The following FOXP1 variants were observed in gnomAD, a reference collection of about 807,000 sequenced individuals.
FOXP1 encodes the protein forkhead box P1.
FOXP1 carries 15 observed loss-of-function variants against 98.2 expected under a neutral mutation model. The ratio of observed to expected loss-of-function variants is 0.15; its 90% CI spans 0.10 to 0.24. The LOEUF is 0.24. Among genes scored for constraint, FOXP1 ranks in the 10% least tolerant of loss-of-function variants. The pLI is 1.00. For synonymous variants in FOXP1, 371 were observed against 314.5 expected (o/e 1.18, Z -1.90); for missense variants, 633 against 848.5 (o/e 0.75, Z 3.15).
At chr3:71,507,280 A>T (rs1189326331) in intron 2 of FOXP1, among the ~76,000 whole-genome samples, 1 of 152,204 alleles carries the variant, frequency 6.6e-6, no homozygotes, top group Non-Finnish European at 1.5e-5. Flanking sequence ...GATATGCTTC[A>T]ACAAGACTTA....
rs1488058535 is a variant in FOXP1 at position 70,972,546 on chromosome 3, T to G, written c.1652+9A>C. 7 of 1,614,254 alleles carry G rather than the reference T, an allele frequency of 4.3e-6. No homozygotes were observed. The highest frequency in any genetic ancestry group is 5.9e-6 in the Non-Finnish European group (7 of 1,180,038). ...GCTAGGCTAAGAAGTTCAAACATGG[T>G]GGACGTACCCACTGATCTTTTGTGG... On this transcript the variant is annotated intron_variant, in intron 18 of 20. Transcript: ENST00000649528.
intron 6 of FOXP1, among the ~76,000 whole-genome samples, chr3:71,166,102 TAAG>T (rs2061385232): frequency 6.6e-6 from 1 of 152,192 alleles, no homozygotes; most frequent in African/African-American, 2.4e-5. Context: ...GAGAAACACT[TAAG>T]AAGACAGCCC....
intron 20 of FOXP1, among the ~76,000 whole-genome samples, chr3:70,960,324 G>A (rs1350880834): frequency 1.3e-5 from 2 of 152,158 alleles, no homozygotes; most frequent in Non-Finnish European, 2.9e-5. Flanking sequence ...TGTAAACAAG[G>A]CAAAACATGA....
intron 13 of FOXP1, among the ~76,000 whole-genome samples, chr3:70,991,260 G>A (rs181609811): frequency 6.6e-6 from 1 of 152,138 alleles, no homozygotes; most frequent in East Asian, 1.9e-4. Flanking sequence ...ATTTGTCTCA[G>A]GTTCTTACTG....
chr3:70,979,316 A>AAAAAAAAAAAAAAAAAAAAAAG (rs1553670621), intron 14 of FOXP1, among the ~76,000 whole-genome samples: 5 of 96,500 alleles, frequency 5.2e-5, no homozygotes, highest in Non-Finnish European at 1.0e-4. Context: ...AAAAAAAAAA[A>AAAAAAAAAAAAAAAAAAAAAAG]AAAAGAAAAA....
intron 20 of FOXP1, among the ~76,000 whole-genome samples, chr3:70,963,317 G>A (rs1026846432): frequency 6.6e-6 from 1 of 152,176 alleles, no homozygotes; most frequent in Non-Finnish European, 1.5e-5. Context: ...AGTGAAATCC[G>A]ATTTCGGGAC....
At chr3:71,438,789 T>C (rs772304114) in intron 3 of FOXP1, among the ~76,000 whole-genome samples, 1 of 151,440 alleles carries the variant, frequency 6.6e-6, no homozygotes, top group Non-Finnish European at 1.5e-5. Context: ...TTTCAACATA[T>C]TGCTTTTTTG....
intron 2 of FOXP1, among the ~76,000 whole-genome samples, chr3:71,539,278 ATTT>A (rs59674177): frequency 5.2e-5 from 6 of 114,948 alleles, no homozygotes; most frequent in African/African-American, 1.4e-4. Context: ...TGCCCAGCTA[ATTT>A]TTTTTTTTTT....
At chr3:71,145,333 T>TA (rs1289387710) in intron 6 of FOXP1, among the ~76,000 whole-genome samples, 1 of 151,958 alleles carries the variant, frequency 6.6e-6, no homozygotes, top group Non-Finnish European at 1.5e-5. Flanking sequence ...GGTCAGGAGT[T>TA]AGAGACCAGC....
chr3:71,017,260 T>G (rs1404992570), intron 11 of FOXP1, among the ~76,000 whole-genome samples: 1 of 152,010 alleles, frequency 6.6e-6, no homozygotes, highest in Non-Finnish European at 1.5e-5. Context: ...AATGCAAAAA[T>G]AGAATTTTAA....
At chr3:71,126,860 A>AG (rs1433894660) in intron 6 of FOXP1, among the ~76,000 whole-genome samples, 2 of 140,962 alleles carry the variant, frequency 1.4e-5, no homozygotes, top group Non-Finnish European at 3.0e-5. Context: ...AAAAAGAAAA[A>AG]AAAAAACAAA....
chr3:71,372,017 CT>C (rs552340574), intron 3 of FOXP1, among the ~76,000 whole-genome samples: 272 of 144,414 alleles, frequency 1.9e-3, no homozygotes, highest in Admixed American at 1.9e-3. Flanking sequence ...TTCTTTCTTT[CT>C]TTTTTTTTTT....
intron 5 of FOXP1, among the ~76,000 whole-genome samples, chr3:71,293,004 A>G (rs527704134): frequency 9.2e-5 from 14 of 152,326 alleles, no homozygotes; most frequent in Admixed American, 2.0e-4. Context: ...CTCATAAAAT[A>G]AGGATTCTGT....
intron 19 of FOXP1, 146 bp from the exon 20 acceptor site, chr3:70,966,202 T>A: frequency 1.2e-6 from 1 of 835,536 alleles, no homozygotes; most frequent in Non-Finnish European, 2.0e-6. Context: ...GTTGAAAGAT[T>A]TTGCTTTAAA....
At chr3:71,328,283 A>G (rs2076045167) in intron 4 of FOXP1, among the ~76,000 whole-genome samples, 2 of 152,170 alleles carry the variant, frequency 1.3e-5, no homozygotes, top group African/African-American at 2.4e-5. Flanking sequence ...ATAAAAAATA[A>G]AAATTTAAAA....
intron 3 of FOXP1, among the ~76,000 whole-genome samples, chr3:71,416,782 G>A (rs2083258155): frequency 6.6e-6 from 1 of 151,984 alleles, no homozygotes; most frequent in Non-Finnish European, 1.5e-5. Flanking sequence ...GAGTTAAGAT[G>A]TGGTTGCAGC....
In FOXP1 at chr3:70,955,436, T is replaced by G; in HGVS notation, c.*3811A>C. ...GCCTAACTCATCTTACAAGACGGAC[T>G]CTAGGGACAGGTAGGTTGGATCCTC... On this transcript the variant is annotated 3_prime_UTR_variant, in exon 21 of 21. Coordinates refer to ENST00000649528, the MANE Select transcript of FOXP1 (RefSeq NM_001349338.3). 4.3e-6 allele frequency: 1 copy of G among 232,932 alleles called. No individual in the cohort carries two copies. Among genetic ancestry groups the G allele is most frequent in the East Asian group, 6.0e-5 (1 of 16,542 alleles). The allele number at this position is 232,932 out of a possible 1,614,324, so 14.4% of individuals were successfully genotyped here.
At chr3:71,329,452 C>G (rs1384466875) in intron 4 of FOXP1, among the ~76,000 whole-genome samples, 2 of 86,304 alleles carry the variant, frequency 2.3e-5, no homozygotes, top group East Asian at 1.1e-3. Flanking sequence ...TGATCTCCTA[C>G]CTCGTGATCA....
intron 11 of FOXP1, among the ~76,000 whole-genome samples, chr3:71,028,084 C>A (rs149434742): frequency 6.6e-6 from 1 of 152,026 alleles, no homozygotes; most frequent in East Asian, 1.9e-4. Flanking sequence ...AGCACACACA[C>A]AAAAAATCTA....
Sources: gnomAD v4.1 joint callset for allele counts (sites outside exome capture counted in the v4.1 genomes callset) on GRCh38, gnomAD v4.1.1 for gene constraint, MANE v1.5 for transcripts, NCBI Gene and HGNC (gene_info 2026-07-23, HGNC 2026-07-21) for gene names.